The following OPCML variants were observed in gnomAD, a reference collection of about 807,000 sequenced individuals.
The protein encoded by OPCML is opioid-binding protein/cell adhesion molecule.
A neutral mutation model predicts 37.8 loss-of-function variants in OPCML; 13 were observed. That is an observed-to-expected ratio of 0.34 (90% CI 0.22 to 0.55). The LOEUF (loss-of-function observed/expected upper bound fraction) is 0.55, where lower values mean the gene tolerates loss of function less well. OPCML is among the 20% of genes least tolerant of loss of function. OPCML has a pLI of 0.91. For missense variants in OPCML, 341 were observed against 435.6 expected (o/e 0.78, Z 1.93); for synonymous variants, 176 against 168.8 (o/e 1.04, Z -0.33).
chr11:132,611,447 G>A (rs1302894222), intron 3 of OPCML, among the ~76,000 whole-genome samples: 2 of 152,030 alleles, frequency 1.3e-5, no homozygotes. Context: ...ATTTCCCACA[G>A]CTTTTTATCT....
At chr11:133,241,905 C>G (rs1400813205) in intron 1 of OPCML, among the ~76,000 whole-genome samples, 1 of 152,232 alleles carries the variant, frequency 6.6e-6, no homozygotes, top group Non-Finnish European at 1.5e-5. Context: ...GCCTATCCTA[C>G]CGGGCTAGCT....
chr11:133,274,409 C>A (rs950802993), intron 1 of OPCML, among the ~76,000 whole-genome samples: 68 of 152,196 alleles, frequency 4.5e-4, no homozygotes, highest in African/African-American at 1.6e-3. Flanking sequence ...GGTCCTGGGA[C>A]AACAGAGGCA....
At chr11:133,223,053 C>A (rs1197362703) in intron 1 of OPCML, among the ~76,000 whole-genome samples, 1 of 152,226 alleles carries the variant, frequency 6.6e-6, no homozygotes, top group Non-Finnish European at 1.5e-5. Flanking sequence ...AAGACGTGGG[C>A]AGCCCTCACC....
rs560240380 is a variant in OPCML, at chr11:133,265,175, A to G, written c.61+267089T>C. On this transcript the variant is annotated intron_variant, in intron 1 of 7. Transcript: ENST00000524381. ...GAGAGGGACAGTTCCCAAGCGTCAC[A>G]TCTCCCTGCCGCTTCATCCTCCTGA... is the stretch of plus-strand genomic sequence containing the variant. Among the ~76,000 whole-genome samples the G allele has an allele frequency of 2.6e-5, 4 of 152,310 alleles. No individual in the cohort carries two copies. In the South Asian group the frequency reaches 8.3e-4, roughly 32 times the overall value.
At chr11:132,547,335 C>T (rs1405900836) in intron 3 of OPCML, among the ~76,000 whole-genome samples, 2 of 152,102 alleles carry the variant, frequency 1.3e-5, no homozygotes, top group African/African-American at 2.4e-5. Flanking sequence ...TTTGTCTATC[C>T]CTAAGACAAA....
chr11:133,144,275 C>A (rs186073854), intron 1 of OPCML, among the ~76,000 whole-genome samples: 5 of 152,374 alleles, frequency 3.3e-5, no homozygotes, highest in African/African-American at 1.2e-4. Flanking sequence ...CCATGGCACT[C>A]CCTGCCACCT....
At chr11:132,832,485 G>A (rs2136281577) in intron 2 of OPCML, among the ~76,000 whole-genome samples, 1 of 152,262 alleles carries the variant, frequency 6.6e-6, no homozygotes, top group Admixed American at 6.5e-5. Flanking sequence ...ACAGACTTCT[G>A]AAATGATGTG....
intron 1 of OPCML, among the ~76,000 whole-genome samples, chr11:133,516,184 C>G (rs1948267968): frequency 6.6e-6 from 1 of 152,246 alleles, no homozygotes; most frequent in African/African-American, 2.4e-5. Flanking sequence ...AGGCAGACAG[C>G]ACAGTGCAGC....
At chr11:133,082,749 G>A (rs1309163522) in intron 1 of OPCML, among the ~76,000 whole-genome samples, 1 of 145,178 alleles carries the variant, frequency 6.9e-6, no homozygotes, top group African/African-American at 2.5e-5. Context: ...GGCCCGTCCC[G>A]CCGCTGCGGA....
chr11:133,440,208 A>G (rs560029115), intron 1 of OPCML, among the ~76,000 whole-genome samples: 2 of 152,016 alleles, frequency 1.3e-5, no homozygotes, highest in Admixed American at 6.5e-5. Flanking sequence ...CAGCCTGACT[A>G]ACTAATGGCG....
At chr11:133,525,749 T>C (rs1010119053) in intron 1 of OPCML, among the ~76,000 whole-genome samples, 2 of 152,208 alleles carry the variant, frequency 1.3e-5, no homozygotes, top group Non-Finnish European at 2.9e-5. Context: ...CTTGAGAGAC[T>C]CTGCCCCTTG....
chr11:132,917,652 A>G (rs547589858), intron 2 of OPCML, among the ~76,000 whole-genome samples: 1 of 152,310 alleles, frequency 6.6e-6, no homozygotes, highest in African/African-American at 2.4e-5. Context: ...TCTTGTTGCC[A>G]TGGTACCTGG....
At chr11:133,349,166 A>C (rs532719214) in intron 1 of OPCML, among the ~76,000 whole-genome samples, 1 of 152,358 alleles carries the variant, frequency 6.6e-6, no homozygotes, top group Non-Finnish European at 1.5e-5. Flanking sequence ...ATAACAGAAC[A>C]AGGTCAAGAC....
At chr11:132,919,928 T>C (rs1944734900) in intron 2 of OPCML, among the ~76,000 whole-genome samples, 2 of 152,138 alleles carry the variant, frequency 1.3e-5, no homozygotes, top group South Asian at 2.1e-4. Flanking sequence ...ATACATGAAA[T>C]GTCTAGCATA....
Position 133,284,704 on chromosome 11 carries a change from A to G in OPCML, c.61+247560T>C, listed in dbSNP as rs531897543. ...AGTAGCACACTGCAGAGTAAAGACC[A>G]CTGGCCTTAGAACAGAACATACATG... On this transcript the variant is annotated intron_variant, in intron 1 of 7. Coordinates refer to ENST00000524381, the MANE Select transcript of OPCML (RefSeq NM_001012393.5). 3.3e-5 allele frequency among the ~76,000 whole-genome samples: 5 copies of G among 152,338 alleles called. No individual in the cohort carries two copies. In the South Asian group the frequency reaches 8.3e-4, roughly 25 times the overall value.
At chr11:133,472,463 C>T (rs1388227784) in intron 1 of OPCML, among the ~76,000 whole-genome samples, 1 of 151,930 alleles carries the variant, frequency 6.6e-6, no homozygotes, top group African/African-American at 2.4e-5. Flanking sequence ...AAGAGGTTTC[C>T]ATCATGAACG....
At chr11:133,098,242 G>A (rs1949033616) in intron 1 of OPCML, among the ~76,000 whole-genome samples, 1 of 144,838 alleles carries the variant, frequency 6.9e-6, no homozygotes. Flanking sequence ...TGGAGATGGA[G>A]TCTCACTCTG....
intron 2 of OPCML, among the ~76,000 whole-genome samples, chr11:132,818,377 G>A (rs543960007): frequency 4.6e-5 from 7 of 151,830 alleles, no homozygotes; most frequent in Non-Finnish European, 8.8e-5. Context: ...CCTCCGTAAC[G>A]TGGGTGGACT....
intron 2 of OPCML, among the ~76,000 whole-genome samples, chr11:132,797,352 G>T (rs1459478219): frequency 1.3e-5 from 2 of 152,148 alleles, no homozygotes; most frequent in Non-Finnish European, 2.9e-5. Flanking sequence ...CCCATTTTTT[G>T]TAAAGACAAT....
Sources: gnomAD v4.1 joint callset for allele counts (sites outside exome capture counted in the v4.1 genomes callset) on GRCh38, gnomAD v4.1.1 for gene constraint, MANE v1.5 for transcripts, NCBI Gene and HGNC (gene_info 2026-07-23, HGNC 2026-07-21) for gene names.